NKAIN3: variants seen among roughly 807,000 people sequenced by gnomAD.
The protein encoded by NKAIN3 is sodium/potassium-transporting ATPase subunit beta-1-interacting protein 3.
In NKAIN3, 25 loss-of-function variants were observed where a neutral mutation model predicts 30.2. That is an observed-to-expected ratio of 0.83 (90% CI 0.60 to 1.16). The LOEUF is 1.16. Among genes scored for constraint, NKAIN3 ranks in the 50% most tolerant of loss-of-function variants. NKAIN3 has a pLI of 0.00. For synonymous variants in NKAIN3, 91 were observed against 89.6 expected (o/e 1.02, Z -0.09); for missense variants, 225 against 254.1 (o/e 0.89, Z 0.78).
intron 5 of NKAIN3, among the ~76,000 whole-genome samples, chr8:62,927,060 A>T (rs919859706): frequency 2.0e-5 from 3 of 152,182 alleles, no homozygotes; most frequent in African/African-American, 7.2e-5. Context: ...AACTGGCATG[A>T]ATTTAACTTT....
chr8:62,563,262 C>T (rs1809645767), intron 1 of NKAIN3, among the ~76,000 whole-genome samples: 1 of 152,054 alleles, frequency 6.6e-6, no homozygotes, highest in Admixed American at 6.6e-5. Context: ...GGTTTTGGGA[C>T]AATTTTTGGC....
rs1811979212 is a variant in NKAIN3, at chr8:62,248,867, G to A, written c.-207G>A. On this transcript the variant is annotated 5_prime_UTR_variant, in exon 1 of 7. Coordinates refer to ENST00000623646, the MANE Select transcript of NKAIN3 (RefSeq NM_001304533.3). ...GCAGGGACCCCCGCCAGACGCTCGG[G>A]TCGTGCGCACCGCACTGACCTCGGC... 1.9e-6 allele frequency: 1 copy of A among 525,770 alleles called. No individual in the cohort carries two copies. Among genetic ancestry groups the A allele is most frequent in the Non-Finnish European group, 3.3e-6 (1 of 303,228 alleles). 32.6% of individuals were successfully genotyped at this position (525,770 alleles called of 1,614,324 possible).
chr8:62,482,236 G>A (rs1005350990), intron 1 of NKAIN3: 2 of 152,004 alleles, frequency 1.3e-5, no homozygotes, highest in Non-Finnish European at 1.5e-5. Flanking sequence ...AAAAAAGCAG[G>A]CAAAACAATA....
intron 1 of NKAIN3, among the ~76,000 whole-genome samples, chr8:62,353,422 C>G (rs1308792978): frequency 6.6e-6 from 1 of 152,158 alleles, no homozygotes; most frequent in Non-Finnish European, 1.5e-5. Context: ...GAAATTTGAT[C>G]CATAGCCTTG....
intron 3 of NKAIN3, among the ~76,000 whole-genome samples, chr8:62,672,817 T>C (rs1263044070): frequency 6.6e-6 from 1 of 152,224 alleles, no homozygotes; most frequent in Non-Finnish European, 1.5e-5. Flanking sequence ...TATGTGTCCA[T>C]TTAAAGTTTA....
chr8:62,922,895 A>G (rs538136458), intron 5 of NKAIN3, among the ~76,000 whole-genome samples: 10 of 152,234 alleles, frequency 6.6e-5, no homozygotes, highest in Middle Eastern at 3.4e-3. Flanking sequence ...CTACACAATG[A>G]CTAGCTAATC....
At chr8:62,445,005 G>A (rs1161505290) in intron 1 of NKAIN3, among the ~76,000 whole-genome samples, 1 of 152,040 alleles carries the variant, frequency 6.6e-6, no homozygotes, top group African/African-American at 2.4e-5. Flanking sequence ...GAGTGCAGTG[G>A]CACTATCTTG....
At chr8:62,583,814 C>T (rs964859174) in intron 2 of NKAIN3, among the ~76,000 whole-genome samples, 50 of 152,110 alleles carry the variant, frequency 3.3e-4, no homozygotes, top group Admixed American at 9.8e-4. Context: ...CTCCAGATTA[C>T]GTCTTATTCT....
intron 4 of NKAIN3, among the ~76,000 whole-genome samples, chr8:62,747,988 G>A (rs1816138906): frequency 6.6e-6 from 1 of 152,082 alleles, no homozygotes; most frequent in South Asian, 2.1e-4. Context: ...AAGGTACCTT[G>A]GAATTAATTC....
intron 5 of NKAIN3, among the ~76,000 whole-genome samples, chr8:62,926,036 G>C (rs1017058715): frequency 6.6e-6 from 1 of 152,102 alleles, no homozygotes; most frequent in Non-Finnish European, 1.5e-5. Flanking sequence ...ACTTGAGAAG[G>C]AAGAATGAAG....
intron 4 of NKAIN3, among the ~76,000 whole-genome samples, chr8:62,853,286 C>T (rs1461624452): frequency 1.3e-5 from 2 of 151,924 alleles, no homozygotes; most frequent in African/African-American, 2.4e-5. Flanking sequence ...CCCCTGCCTT[C>T]TTTTGTTTTC....
At chr8:62,856,899 C>T in intron 4 of NKAIN3, 1 of 581,284 alleles carries the variant, frequency 1.7e-6, no homozygotes, top group Non-Finnish European at 3.2e-6. Flanking sequence ...ACTGGATGCT[C>T]ATGTCAAAGG....
At chr8:62,461,587 T>C (rs925625416) in intron 1 of NKAIN3, among the ~76,000 whole-genome samples, 8 of 152,100 alleles carry the variant, frequency 5.3e-5, no homozygotes, top group African/African-American at 1.4e-4. Context: ...AGAACTAAAG[T>C]GTAAGAATGA....
At chr8:62,935,230 G>C (rs1481108280) in intron 5 of NKAIN3, among the ~76,000 whole-genome samples, 1 of 152,114 alleles carries the variant, frequency 6.6e-6, no homozygotes, top group East Asian at 1.9e-4. Context: ...GGGACAGCAA[G>C]GACAGAATGT....
At chr8:62,936,105 C>T (rs1050137354) in intron 5 of NKAIN3, among the ~76,000 whole-genome samples, 1 of 152,056 alleles carries the variant, frequency 6.6e-6, no homozygotes, top group Non-Finnish European at 1.5e-5. Context: ...ATGTAACCAC[C>T]GCTATTTCCC....
intron 3 of NKAIN3, among the ~76,000 whole-genome samples, chr8:62,603,538 G>GA (rs1414499640): frequency 2.0e-5 from 3 of 151,444 alleles, no homozygotes; most frequent in East Asian, 3.9e-4. Context: ...ACAGTTGAAG[G>GA]AAAAAAAACA....
At chr8:62,472,915 T>C (rs1158536361) in intron 1 of NKAIN3, among the ~76,000 whole-genome samples, 4 of 152,204 alleles carry the variant, frequency 2.6e-5, no homozygotes, top group South Asian at 4.1e-4. Flanking sequence ...CTTGAGTTTC[T>C]GCTGCATGAG....
chr8:62,964,932 C>T (rs1823666617), intron 6 of NKAIN3, among the ~76,000 whole-genome samples: 1 of 152,260 alleles, frequency 6.6e-6, no homozygotes, highest in Admixed American at 6.5e-5. Context: ...GTGTAAGGAA[C>T]ATAAGTCAAT....
intron 1 of NKAIN3, among the ~76,000 whole-genome samples, chr8:62,259,729 CA>C (rs1295520524): frequency 6.6e-6 from 1 of 151,794 alleles, no homozygotes; most frequent in Non-Finnish European, 1.5e-5. Flanking sequence ...TAGTTATAAA[CA>C]AAAAAAATCA....
Sources: allele counts gnomAD v4.1 joint callset (sites outside exome capture counted in the v4.1 genomes callset), GRCh38; gene constraint gnomAD v4.1.1; transcripts MANE v1.5; gene names NCBI Gene and HGNC (gene_info 2026-07-23, HGNC 2026-07-21).